The following ACYP2 variants were observed in gnomAD, a reference collection of about 807,000 sequenced individuals.
ACYP2 encodes the protein acylphosphatase 2, also known as acylphosphatase-2.
A neutral mutation model predicts 11.2 loss-of-function variants in ACYP2; 12 were observed. The observed-to-expected ratio is 1.08, with a 90% CI of 0.69 to 1.74. ACYP2 has a LOEUF of 1.74. Ranked by LOEUF, ACYP2 falls within the 40% of genes most tolerant of loss-of-function variation. The pLI is 0.00. For missense variants in ACYP2, 134 were observed against 101.9 expected, an observed-to-expected ratio of 1.31 and a Z score of -1.35; for synonymous variants, 43 against 32.2, an observed-to-expected ratio of 1.33 and a Z score of -1.13.
At chr2:54,259,304 G>A (rs1356562258) in intron 6 of ACYP2, among the ~76,000 whole-genome samples, 1 of 152,194 alleles carries the variant, frequency 6.6e-6, no homozygotes, top group African/African-American at 2.4e-5. Context: ...CTCAGGAGAG[G>A]TCTGAGATAG....
At chr2:54,156,826 C>G (rs185157705) in intron 6 of ACYP2, among the ~76,000 whole-genome samples, 1 of 152,034 alleles carries the variant, frequency 6.6e-6, no homozygotes, top group Non-Finnish European at 1.5e-5. Flanking sequence ...GCCACCCATG[C>G]CTACCTAATT....
rs191238363 is a variant in ACYP2, at chr2:53,993,628, C to A, written c.62+19818C>A. Among the ~76,000 whole-genome samples the A allele has an allele frequency of 2.7e-5, 4 of 150,188 alleles. No individual in the cohort carries two copies. In the Admixed American group the frequency reaches 2.7e-4, roughly 10 times the overall value. ...ACAAGAATCGCTTGAACCTGGGAGG[C>A]AGAGGATGCAGTAAGCCAAGATCAT... On this transcript the variant is annotated intron_variant, in intron 2 of 6. Coordinates refer to ENST00000607452, the MANE Select transcript of ACYP2 (RefSeq NM_001320586.2).
At chr2:54,301,969 A>G (rs977817971) in intron 6 of ACYP2, among the ~76,000 whole-genome samples, 1 of 152,172 alleles carries the variant, frequency 6.6e-6, no homozygotes, top group African/African-American at 2.4e-5. Context: ...TCCTCCCCAC[A>G]GGGTAAACAG....
chr2:54,299,925 A>T (rs1689659843), intron 6 of ACYP2, among the ~76,000 whole-genome samples: 1 of 152,070 alleles, frequency 6.6e-6, no homozygotes, highest in South Asian at 2.1e-4. Flanking sequence ...GCTCTTTCAC[A>T]ATTCCTTTAA....
intron 4 of ACYP2, among the ~76,000 whole-genome samples, chr2:54,131,576 ATGGTTTTTT>A (rs1680900776): frequency 1.3e-5 from 2 of 152,052 alleles, no homozygotes; most frequent in Admixed American, 6.6e-5. Context: ...TTTATCATGC[ATGGTTTTTT>A]CCATGTAATT....
At chr2:54,124,153 G>A (rs764873360) in intron 4 of ACYP2, among the ~76,000 whole-genome samples, 24 of 151,568 alleles carry the variant, frequency 1.6e-4, no homozygotes, top group East Asian at 3.9e-4. Flanking sequence ...CACTGGCTCC[G>A]TAACCAAAAA....
At chr2:54,201,680 T>TTCTTTCTGTC (rs1395606887) in intron 6 of ACYP2, among the ~76,000 whole-genome samples, 23 of 107,358 alleles carry the variant, frequency 2.1e-4, no homozygotes, top group African/African-American at 6.7e-4. Context: ...CTTTCTTTCT[T>TTCTTTCTGTC]TCTCTCTCTC....
rs114638793 is a variant in ACYP2 at position 53,995,442 on chromosome 2, A to G, written c.62+21632A>G. Reference sequence around the variant, plus strand: ...AACTTAAAATATCTTCTTTAATTCTAGACACAATTAATTCAATGCTATTAT... The same window carrying G: ...AACTTAAAATATCTTCTTTAATTCTGGACACAATTAATTCAATGCTATTAT... On this transcript the variant is annotated intron_variant, in intron 2 of 6. Transcript: ENST00000607452. Among the ~76,000 whole-genome samples the G allele has an allele frequency of 7.1e-3, 1,078 of 151,784 alleles. 5 individuals are homozygous for G. The highest frequency in any genetic ancestry group is 0.038 in the Middle Eastern group (11 of 292).
At chr2:54,039,569 C>T (rs576532625) in intron 2 of ACYP2, among the ~76,000 whole-genome samples, 1 of 151,526 alleles carries the variant, frequency 6.6e-6, no homozygotes, top group South Asian at 2.1e-4. Context: ...TGGGACTACA[C>T]GTGTGCACTA....
At chr2:54,217,655 G>A (rs1685615083) in intron 6 of ACYP2, among the ~76,000 whole-genome samples, 1 of 152,156 alleles carries the variant, frequency 6.6e-6, no homozygotes, top group East Asian at 1.9e-4. Context: ...TTACAGGCGT[G>A]AGCCTGTATG....
intron 6 of ACYP2, among the ~76,000 whole-genome samples, chr2:54,291,381 G>T (rs1007933254): frequency 2.0e-5 from 3 of 151,954 alleles, no homozygotes; most frequent in Non-Finnish European, 4.4e-5. Context: ...ATACAGACCG[G>T]CAAAAAAAAT....
At chr2:54,079,777 A>T (rs1677547564) in intron 4 of ACYP2, among the ~76,000 whole-genome samples, 1 of 152,252 alleles carries the variant, frequency 6.6e-6, no homozygotes, top group South Asian at 2.1e-4. Flanking sequence ...ATAAGATTAC[A>T]AATGCAAAAT....
At chr2:54,007,857 TCTGA>T in intron 2 of ACYP2, among the ~76,000 whole-genome samples, 1 of 151,920 alleles carries the variant, frequency 6.6e-6, no homozygotes. Flanking sequence ...AGAGTGAGAC[TCTGA>T]CTGAAAAAAA....
At chr2:54,034,803 A>C (rs1344755425) in intron 2 of ACYP2, among the ~76,000 whole-genome samples, 1 of 151,878 alleles carries the variant, frequency 6.6e-6, no homozygotes, top group African/African-American at 2.4e-5. Context: ...GAGGTCAGGC[A>C]TTCAAGACCA....
At position 54,304,765 on chromosome 2, in the gene ACYP2, C is replaced by T; in HGVS notation, c.482C>T (p.Ser161Phe). The T allele has an allele frequency of 6.2e-7, 1 of 1,611,208 alleles. No homozygotes were observed. The highest frequency in any genetic ancestry group is 1.1e-5 in the South Asian group (1 of 90,866). Residue 161 changes from serine (S) to phenylalanine (F), a missense_variant, in exon 7 of 7, where the codon TCT (serine) becomes TTT (phenylalanine). Coordinates refer to ENST00000607452, the MANE Select transcript of ACYP2 (RefSeq NM_001320586.2). ...AACTTTTCTAATGAAAAAACCATCT[C>T]TAAGCTTGAATACTCTAATTTTAGT... is the stretch of plus-strand genomic sequence containing the variant.
At chr2:54,211,079 G>A (rs1046349806) in intron 6 of ACYP2, among the ~76,000 whole-genome samples, 3 of 152,208 alleles carry the variant, frequency 2.0e-5, no homozygotes, top group African/African-American at 4.8e-5. Flanking sequence ...ACATACAAAC[G>A]ACTGCACAAA....
At chr2:54,178,491 T>C (rs1004820937) in intron 6 of ACYP2, among the ~76,000 whole-genome samples, 1 of 152,188 alleles carries the variant, frequency 6.6e-6, no homozygotes, top group African/African-American at 2.4e-5. Flanking sequence ...AAAGCAAGGC[T>C]ATGCCCCAAT....
intron 2 of ACYP2, among the ~76,000 whole-genome samples, chr2:54,049,966 A>C (rs1280049712): frequency 6.6e-6 from 1 of 152,100 alleles, no homozygotes; most frequent in East Asian, 1.9e-4. Flanking sequence ...ATCTATGCAC[A>C]AGTGTGCTCA....
At chr2:54,064,187 T>C (rs1676619778) in intron 4 of ACYP2, among the ~76,000 whole-genome samples, 1 of 152,086 alleles carries the variant, frequency 6.6e-6, no homozygotes, top group South Asian at 2.1e-4. Context: ...TGAAACCCCT[T>C]CTTGAGTATG....
Sources: allele counts gnomAD v4.1 joint callset (sites outside exome capture counted in the v4.1 genomes callset), GRCh38; gene constraint gnomAD v4.1.1; transcripts MANE v1.5; gene names NCBI Gene and HGNC (gene_info 2026-07-23, HGNC 2026-07-21).